The following FAM168A variants were observed in gnomAD, a reference collection of about 807,000 sequenced individuals.
The protein encoded by FAM168A is family with sequence similarity 168 member A, also known as protein FAM168A.
In FAM168A, 3 loss-of-function variants were observed where a neutral mutation model predicts 28.5. The ratio of observed to expected loss-of-function variants is 0.11; its 90% CI spans 0.05 to 0.27. The LOEUF (loss-of-function observed/expected upper bound fraction) is 0.27. Ranked by LOEUF, FAM168A falls within the 10% of genes least tolerant of loss-of-function variation. FAM168A has a pLI of 1.00. For missense variants in FAM168A, 222 were observed against 311.5 expected (o/e 0.71, Z 2.16); for synonymous variants, 122 against 124.2 (o/e 0.98, Z 0.12).
At chr11:73,469,448 G>C (rs866622819) in intron 1 of FAM168A, among the ~76,000 whole-genome samples, 4 of 152,148 alleles carry the variant, frequency 2.6e-5, no homozygotes, top group Admixed American at 1.3e-4. Flanking sequence ...TTCAAAATAG[G>C]AAACAAGTCA....
At chr11:73,499,412 G>C (rs532403269) in intron 1 of FAM168A, among the ~76,000 whole-genome samples, 7 of 152,174 alleles carry the variant, frequency 4.6e-5, no homozygotes, top group African/African-American at 1.7e-4. Context: ...TCACAAAGAT[G>C]AGAAGAAATC....
At chr11:73,502,177 C>T (rs1855022321) in intron 1 of FAM168A, among the ~76,000 whole-genome samples, 1 of 142,304 alleles carries the variant, frequency 7.0e-6, no homozygotes, top group Admixed American at 7.0e-5. Flanking sequence ...GCTAGAGACA[C>T]AAAAAACCCT....
intron 1 of FAM168A, among the ~76,000 whole-genome samples, chr11:73,504,203 C>T (rs556429012): frequency 6.6e-6 from 1 of 152,090 alleles, no homozygotes; most frequent in African/African-American, 2.4e-5. Context: ...AAACTATCAT[C>T]GAAGTGAACA....
At chr11:73,510,565 AAAATGAG>A in intron 1 of FAM168A, 1 of 230,548 alleles carries the variant, frequency 4.3e-6, no homozygotes, top group East Asian at 7.8e-5. Context: ...CTTCCTCTGT[AAAATGAG>A]CAGGGATTAG....
At chr11:73,439,763 G>C (rs1326872651) in intron 2 of FAM168A, among the ~76,000 whole-genome samples, 1 of 151,932 alleles carries the variant, frequency 6.6e-6, no homozygotes, top group African/African-American at 2.4e-5. Context: ...CAACACTTTA[G>C]AGGTTGTTTG....
At chr11:73,501,227 T>C (rs1855005496) in intron 1 of FAM168A, among the ~76,000 whole-genome samples, 1 of 152,176 alleles carries the variant, frequency 6.6e-6, no homozygotes, top group African/African-American at 2.4e-5. Context: ...ATACTTAGAC[T>C]ACCACACAAT....
At chr11:73,552,177 T>C (rs563639963) in intron 1 of FAM168A, among the ~76,000 whole-genome samples, 1 of 152,286 alleles carries the variant, frequency 6.6e-6, no homozygotes, top group Non-Finnish European at 1.5e-5. Context: ...TAAAACTGGG[T>C]TCAATTCCAA....
intron 1 of FAM168A, among the ~76,000 whole-genome samples, chr11:73,584,723 C>T (rs559549114): frequency 9.5e-4 from 144 of 151,730 alleles, no homozygotes; most frequent in African/African-American, 3.3e-3. Context: ...GTGATCCGCC[C>T]GCCTCAGCCT....
chr11:73,487,979 A>G (rs1309492551), intron 1 of FAM168A, among the ~76,000 whole-genome samples: 1 of 152,156 alleles, frequency 6.6e-6, no homozygotes, highest in African/African-American at 2.4e-5. Context: ...TATTGACACT[A>G]GTTTGGTTAA....
At chr11:73,547,917 TC>T (rs1349243246) in intron 1 of FAM168A, among the ~76,000 whole-genome samples, 3 of 150,978 alleles carry the variant, frequency 2.0e-5, no homozygotes, top group African/African-American at 7.3e-5. Context: ...AAGAAGGAAA[TC>T]CTTTCACATG....
At chr11:73,499,785 G>A (rs1854968821) in intron 1 of FAM168A, among the ~76,000 whole-genome samples, 1 of 150,494 alleles carries the variant, frequency 6.6e-6, no homozygotes, top group East Asian at 1.9e-4. Flanking sequence ...AGAGTTTGAA[G>A]ACCACTTTAC....
At chr11:73,574,714 T>G (rs1944150900) in intron 1 of FAM168A, among the ~76,000 whole-genome samples, 1 of 124,684 alleles carries the variant, frequency 8.0e-6, no homozygotes, top group Non-Finnish European at 1.6e-5. Flanking sequence ...CCACTACACC[T>G]GGCATTTTTT....
chr11:73,466,036 C>T (rs997274383), intron 2 of FAM168A, among the ~76,000 whole-genome samples: 3 of 152,018 alleles, frequency 2.0e-5, no homozygotes, highest in Non-Finnish European at 4.4e-5. Flanking sequence ...GAATACTGCA[C>T]CACAAAACTA....
In FAM168A at chr11:73,401,080, T is replaced by TTTTTTATTATTATTA. The variant is rs1555014465; in HGVS notation, c.*5682_*5683insTAATAATAATAAAAA. 1 of 146,584 alleles carries TTTTTTATTATTATTA rather than the reference T, an allele frequency of 6.8e-6. No individual in the cohort carries two copies. The highest frequency in any genetic ancestry group is 2.5e-5 in the African/African-American group (1 of 40,222). 9.1% of individuals were successfully genotyped at this position (146,584 alleles called of 1,614,324 possible). A position where few individuals can be genotyped will look rare whatever the true frequency, so the allele number is the denominator to read the frequency against. On this transcript the variant is annotated 3_prime_UTR_variant, in exon 8 of 8. Coordinates refer to ENST00000356467, the MANE Select transcript of FAM168A (RefSeq NM_015159.3). ...CTACTTGGAAGACACTGGTCAAAGG[T>TTTTTTATTATTATTA]TTATTATTATTATTATTATTATTAT... is the stretch of plus-strand genomic sequence containing the variant.
intron 1 of FAM168A, among the ~76,000 whole-genome samples, chr11:73,513,834 C>T (rs1855275886): frequency 6.6e-6 from 1 of 152,178 alleles, no homozygotes; most frequent in Non-Finnish European, 1.5e-5. Context: ...TACTCTACCA[C>T]TTACATTTTG....
intron 1 of FAM168A, among the ~76,000 whole-genome samples, chr11:73,476,298 G>A (rs189433001): frequency 2.1e-4 from 32 of 152,126 alleles, no homozygotes; most frequent in African/African-American, 7.2e-4. Context: ...ACCCAGGGGT[G>A]ACCTTTAGGA....
At chr11:73,484,637 T>G (rs909611991) in intron 1 of FAM168A, among the ~76,000 whole-genome samples, 11 of 142,716 alleles carry the variant, frequency 7.7e-5, no homozygotes, top group African/African-American at 2.5e-4. Context: ...GATATCTATA[T>G]CGATATCTAT....
At chr11:73,494,446 T>C (rs567952752) in intron 1 of FAM168A, among the ~76,000 whole-genome samples, 3 of 152,216 alleles carry the variant, frequency 2.0e-5, no homozygotes, top group Non-Finnish European at 2.9e-5. Context: ...TCAGGAACTG[T>C]TACATTCCAA....
At chr11:73,523,946 T>C (rs1008718013) in intron 1 of FAM168A, among the ~76,000 whole-genome samples, 1 of 150,286 alleles carries the variant, frequency 6.7e-6, no homozygotes, top group African/African-American at 2.5e-5. Flanking sequence ...CACTGTAACC[T>C]CAAACTCCTG....
Sources: allele counts gnomAD v4.1 joint callset (sites outside exome capture counted in the v4.1 genomes callset), GRCh38; gene constraint gnomAD v4.1.1; transcripts MANE v1.5; gene names NCBI Gene and HGNC (gene_info 2026-07-23, HGNC 2026-07-21).